The following TUSC3 variants were observed in gnomAD, a reference collection of about 807,000 sequenced individuals.
The protein encoded by TUSC3 is tumor suppressor candidate 3, also known as dolichyl-diphosphooligosaccharide--protein glycosyltransferase subunit TUSC3.
In TUSC3, 45 loss-of-function variants were observed where a neutral mutation model predicts 44.8. The observed-to-expected ratio is 1.00, with a 90% CI of 0.79 to 1.29. The LOEUF (loss-of-function observed/expected upper bound fraction) is 1.29, where lower values mean the gene tolerates loss of function less well. Among genes scored for constraint, TUSC3 ranks in the 50% most tolerant of loss-of-function variants. TUSC3 has a pLI of 0.00. For missense variants in TUSC3, 519 were observed against 437.9 expected, an observed-to-expected ratio of 1.19 and a Z score of -1.65; for synonymous variants, 212 against 152.9, an observed-to-expected ratio of 1.39 and a Z score of -2.85.
At position 15,692,146 on chromosome 8, in the gene TUSC3, C is replaced by G. The variant is rs189999945; in HGVS notation, c.798+18310C>G. The stretch of plus-strand genomic sequence containing the variant: ...CATTTATTGATCTGTGTATGTTGAA[C>G]CAACATTGCATACCAGGGATAAAGA... On this transcript the variant is annotated intron_variant, in intron 6 of 10. Transcript: ENST00000503731. Among the ~76,000 whole-genome samples the G allele has an allele frequency of 4.3e-4, 66 of 152,202 alleles. 1 individual carries two copies. Among genetic ancestry groups the G allele is most frequent in the Middle Eastern group, 3.4e-3 (1 of 294 alleles).
intron 1 of TUSC3, among the ~76,000 whole-genome samples, chr8:15,588,726 TG>T (rs1320079884): frequency 1.3e-5 from 2 of 152,196 alleles, no homozygotes; most frequent in East Asian, 3.8e-4. Flanking sequence ...AGTTAATTTT[TG>T]TATATGGTGA....
the TUSC3 span, among the ~76,000 whole-genome samples, chr8:15,843,123 C>T: frequency 6.6e-6 from 1 of 152,166 alleles, no homozygotes; most frequent in East Asian, 1.9e-4. Flanking sequence ...CTCTTATGAT[C>T]TCTTCCTTTT....
At chr8:15,433,516 C>G (rs966235206) in intron 1 of TUSC3, among the ~76,000 whole-genome samples, 5 of 151,938 alleles carry the variant, frequency 3.3e-5, no homozygotes, top group Non-Finnish European at 7.4e-5. Context: ...TATTCCTGTT[C>G]TCATTCAAAA....
chr8:15,584,812 G>C (rs532440382), intron 1 of TUSC3, among the ~76,000 whole-genome samples: 2 of 152,220 alleles, frequency 1.3e-5, no homozygotes, highest in African/African-American at 2.4e-5. Flanking sequence ...CAAATAGTGG[G>C]ATCTTTTATA....
At chr8:15,824,853 T>G in the TUSC3 span, among the ~76,000 whole-genome samples, 1 of 152,308 alleles carries the variant, frequency 6.6e-6, no homozygotes, top group Admixed American at 6.5e-5. Context: ...TCTCCCAAGG[T>G]ATAGCATTTC....
At chr8:15,651,257 A>G (rs1806891570) in intron 3 of TUSC3, among the ~76,000 whole-genome samples, 1 of 152,182 alleles carries the variant, frequency 6.6e-6, no homozygotes, top group Non-Finnish European at 1.5e-5. Flanking sequence ...AGTGTATTAT[A>G]GATAGTATTT....
intron 2 of TUSC3, among the ~76,000 whole-genome samples, chr8:15,519,420 G>C (rs73536442): frequency 0.024 from 3,603 of 152,196 alleles, 146 homozygotes; most frequent in African/African-American, 0.081. Flanking sequence ...AGCTGTAACA[G>C]ATTAAGTCAG....
chr8:15,564,303 A>G (rs952988117), intron 1 of TUSC3, among the ~76,000 whole-genome samples: 1 of 152,150 alleles, frequency 6.6e-6, no homozygotes, highest in Non-Finnish European at 1.5e-5. Flanking sequence ...TCTAACAGCT[A>G]AAATAAAAAA....
intron 2 of TUSC3, among the ~76,000 whole-genome samples, chr8:15,640,714 T>G (rs909470799): frequency 1.3e-5 from 2 of 152,184 alleles, no homozygotes; most frequent in African/African-American, 4.8e-5. Context: ...CATATATTTT[T>G]GAACCAATTT....
intron 1 of TUSC3, among the ~76,000 whole-genome samples, chr8:15,442,818 G>T (rs1214343377): frequency 3.9e-5 from 6 of 152,088 alleles, no homozygotes; most frequent in Admixed American, 3.9e-4. Flanking sequence ...TTCCCTACTA[G>T]ACCTCAGCCT....
Position 15,765,895 on chromosome 8 carries a change from T to A in TUSC3, c.*1739T>A, listed in dbSNP as rs1188757119. Reference sequence around the variant, plus strand: ...GGTCAAATTTTACAAGTATTAAACATTTGTTAATTATAATCACTTTTGTTT... The same window carrying A: ...GGTCAAATTTTACAAGTATTAAACAATTGTTAATTATAATCACTTTTGTTT... On this transcript the variant is annotated 3_prime_UTR_variant, in exon 11 of 11. Coordinates refer to ENST00000503731, the MANE Select transcript of TUSC3 (RefSeq NM_006765.4). 1 of 152,070 alleles carries A rather than the reference T, an allele frequency of 6.6e-6. No individual in the cohort carries two copies. The highest frequency in any genetic ancestry group is 1.5e-5 in the Non-Finnish European group (1 of 67,952). 9.4% of individuals were successfully genotyped at this position (152,070 alleles called of 1,614,324 possible). A position where few individuals can be genotyped will look rare whatever the true frequency, so the allele number is the denominator to read the frequency against.
chr8:15,593,094 A>AT lies in TUSC3; in HGVS notation c.139-29977dup, dbSNP rs1346656257. Among the ~76,000 whole-genome samples, 6 of 150,926 alleles carry AT rather than the reference A, an allele frequency of 4.0e-5. No homozygotes were observed. In the East Asian group the frequency reaches 5.8e-4, roughly 15 times the overall value. On this transcript the variant is annotated intron_variant, in intron 1 of 10. Transcript: ENST00000503731. ...ATATTAATGTGCTTTTTAAAAAAAA[A>AT]TTTTTTTTTGAGACGGAGTCTCACT...
the TUSC3 span, among the ~76,000 whole-genome samples, chr8:15,848,003 T>G: frequency 6.6e-6 from 1 of 152,210 alleles, no homozygotes; most frequent in African/African-American, 2.4e-5. Flanking sequence ...ACAGTGGACA[T>G]GCAATACATA....
At chr8:15,740,139 T>C (rs537311305) in intron 7 of TUSC3, among the ~76,000 whole-genome samples, 24 of 152,064 alleles carry the variant, frequency 1.6e-4, no homozygotes, top group Non-Finnish European at 2.9e-4. Context: ...TCTGACAAGA[T>C]TGAATTTGAA....
At chr8:15,493,711 A>G (rs1239720988) in intron 2 of TUSC3, among the ~76,000 whole-genome samples, 2 of 152,216 alleles carry the variant, frequency 1.3e-5, no homozygotes, top group Non-Finnish European at 2.9e-5. Context: ...GAAAAAGAAG[A>G]CACTGCATAT....
chr8:15,481,750 C>G (rs1800664368), intron 1 of TUSC3, among the ~76,000 whole-genome samples: 1 of 152,126 alleles, frequency 6.6e-6, no homozygotes, highest in South Asian at 2.1e-4. Context: ...AAAAAAAATG[C>G]TAACAATTAC....
chr8:15,480,989 T>C (rs1333531026), intron 1 of TUSC3, among the ~76,000 whole-genome samples: 2 of 152,120 alleles, frequency 1.3e-5, no homozygotes, highest in East Asian at 3.9e-4. Context: ...GGCTCACGCC[T>C]GTAATTCCAG....
intron 9 of TUSC3, among the ~76,000 whole-genome samples, chr8:15,749,381 A>G (rs998943397): frequency 6.6e-6 from 1 of 152,150 alleles, no homozygotes; most frequent in Non-Finnish European, 1.5e-5. Context: ...CTAATCCCAT[A>G]AAAGGGAGAT....
the TUSC3 span, chr8:15,806,397 T>C: frequency 4.1e-6 from 3 of 736,468 alleles, no homozygotes; most frequent in South Asian, 4.1e-5. Flanking sequence ...CTTCGCTGCT[T>C]CTGGTGATAC....
Sources: allele counts gnomAD v4.1 joint callset (sites outside exome capture counted in the v4.1 genomes callset), GRCh38; gene constraint gnomAD v4.1.1; transcripts MANE v1.5; gene names NCBI Gene and HGNC (gene_info 2026-07-23, HGNC 2026-07-21).